The following PHF19 variants were observed in gnomAD, a reference collection of about 807,000 sequenced individuals.
PHF19 encodes polycomb like 3.
Under a neutral mutation model 79.8 loss-of-function variants are expected in PHF19, and 21 were observed. The ratio of observed to expected loss-of-function variants is 0.26; its 90% CI spans 0.19 to 0.38. PHF19 has a LOEUF of 0.38. Ranked by LOEUF, PHF19 falls within the 10% of genes least tolerant of loss-of-function variation. PHF19 has a pLI of 1.00. For missense variants in PHF19, 445 were observed against 744.2 expected, an observed-to-expected ratio of 0.60 and a Z score of 4.68; for synonymous variants, 273 against 296.3, an observed-to-expected ratio of 0.92 and a Z score of 0.81.
intron 8 of PHF19, 39 bp downstream of exon 8, chr9:120,865,989 G>C: frequency 6.3e-7 from 1 of 1,580,702 alleles, no homozygotes; most frequent in Non-Finnish European, 8.7e-7. Context: ...GAGAAGCTGG[G>C]AGGAGCAGCG....
Position 120,862,563 on chromosome 9 carries a change from G to T in PHF19, c.1130+25C>A. On this transcript the variant is annotated intron_variant, in intron 11 of 14. Transcript: ENST00000373896. The surrounding 1 kb of genome is among the most constrained non-coding windows in gnomAD (Gnocchi z 4.6). ...AGAAACCGAGTTTGGCGGCAGCCCT[G>T]GCCCCTGGGTCCCCGAGCACTGACC... 1 of 1,606,172 alleles carries T rather than the reference G, an allele frequency of 6.2e-7. No homozygotes were observed.
intron 1 of PHF19, among the ~76,000 whole-genome samples, chr9:120,884,671 G>C (rs1279675204): frequency 6.6e-6 from 1 of 152,008 alleles, no homozygotes; most frequent in African/African-American, 2.4e-5. Flanking sequence ...ACTTTGGGAG[G>C]CTGAGGTGGG....
intron 1 of PHF19, chr9:120,876,882 C>T: frequency 1.7e-6 from 1 of 573,716 alleles, no homozygotes; most frequent in Non-Finnish European, 2.2e-6. Flanking sequence ...TCACCCATGC[C>T]CCCCGGGGCT....
chr9:120,865,689 A>T (rs780981998), intron 9 of PHF19, 21 bp downstream of exon 9: 1 of 1,614,048 alleles, frequency 6.2e-7, no homozygotes, highest in South Asian at 1.1e-5. Context: ...CCTGCCACTG[A>T]CATCCCACAA....
upstream of PHF19, chr9:120,877,316 C>T: frequency 1.0e-6 from 1 of 976,478 alleles, no homozygotes; most frequent in Non-Finnish European, 1.2e-6. Flanking sequence ...GGGCGCGGGG[C>T]GCCATCTTTT....
intron 3 of PHF19, among the ~76,000 whole-genome samples, chr9:120,872,331 G>A (rs1385896007): frequency 6.6e-6 from 1 of 152,216 alleles, no homozygotes; most frequent in Non-Finnish European, 1.5e-5. Flanking sequence ...CTGCCCGGAA[G>A]GGGCAGTTCT....
chr9:120,888,614 A>C (rs2046300454), intron 1 of PHF19, among the ~76,000 whole-genome samples: 1 of 152,184 alleles, frequency 6.6e-6, no homozygotes, highest in African/African-American at 2.4e-5. Flanking sequence ...GATGGAGACC[A>C]AGGGCCTTGT....
At chr9:120,882,566 GCA>G in intron 1 of PHF19, among the ~76,000 whole-genome samples, 1 of 152,222 alleles carries the variant, frequency 6.6e-6, no homozygotes, top group South Asian at 2.1e-4. Context: ...CTACAGCCAG[GCA>G]CAGTGGCTCA....
rs2045558978 is a variant in PHF19 at position 120,862,412 on chromosome 9, G to A, written c.1130+176C>T. On this transcript the variant is annotated intron_variant, in intron 11 of 14. Coordinates refer to ENST00000373896, the MANE Select transcript of PHF19 (RefSeq NM_015651.3). This position sits in a 1 kb window ranked among gnomAD's most constrained non-coding sequence, Gnocchi z 4.6. ...TTTCCTCCTTGCGAGGTAATAAGGG[G>A]GCTGTGGTGGTGAAAGGAGTTGGGG... Among the ~76,000 whole-genome samples the A allele has an allele frequency of 6.6e-6, 1 of 152,218 alleles. No homozygotes were observed.
chr9:120,894,722 C>T, intron 1 of PHF19: 1 of 841,832 alleles, frequency 1.2e-6, no homozygotes, highest in Non-Finnish European at 1.6e-6. Flanking sequence ...GCGGGCCCAC[C>T]CGGCCGCCCG....
intron 1 of PHF19, among the ~76,000 whole-genome samples, chr9:120,886,969 G>T (rs2046271922): frequency 6.6e-6 from 1 of 151,766 alleles, no homozygotes; most frequent in South Asian, 2.1e-4. Context: ...GGGAGGCTGA[G>T]GCAGGAGAAT....
In PHF19 at chr9:120,869,451, T is replaced by C. The variant is rs532059498; in HGVS notation, c.466-121A>G. 1.4e-5 allele frequency: 19 copies of C among 1,335,560 alleles called. No individual in the cohort carries two copies. Among genetic ancestry groups the C allele is most frequent in the Non-Finnish European group, 1.7e-5 (17 of 998,624 alleles). The allele number at this position is 1,335,560 out of a possible 1,614,324, so 82.7% of individuals were successfully genotyped here. A position where few individuals can be genotyped will look rare whatever the true frequency, so the allele number is the denominator to read the frequency against. On this transcript the variant is annotated intron_variant, in intron 5 of 14. Coordinates refer to ENST00000373896, the MANE Select transcript of PHF19 (RefSeq NM_015651.3). This position sits in a 1 kb window ranked among gnomAD's most constrained non-coding sequence, Gnocchi z 5.8. Reference sequence around the variant, plus strand: ...TGGGGGACCCGCAGATATTCCAATATAGTCAGAAAAGCAAGGAGCTTTTTC... The same window carrying C: ...TGGGGGACCCGCAGATATTCCAATACAGTCAGAAAAGCAAGGAGCTTTTTC...
chr9:120,869,333 G>C lies in PHF19; in HGVS notation c.466-3C>G, dbSNP rs770795821. Reference sequence around the variant, plus strand: ...CCCTTCTTCAGCGCGCCGCCTTTCTGGGGGGAGACGAGGGCCCCAGTCAAC... The same window carrying C: ...CCCTTCTTCAGCGCGCCGCCTTTCTCGGGGGAGACGAGGGCCCCAGTCAAC... On this transcript the variant is annotated splice_region_variant and splice_polypyrimidine_tract_variant and intron_variant, in intron 5 of 14. Transcript: ENST00000373896. The surrounding 1 kb of genome is among the most constrained non-coding windows in gnomAD (Gnocchi z 5.8). 1.2e-6 allele frequency: 2 copies of C among 1,610,700 alleles called. No individual in the cohort carries two copies. Among genetic ancestry groups the C allele is most frequent in the African/African-American group, 1.3e-5 (1 of 74,892 alleles).
In PHF19 at chr9:120,869,322, G is replaced by T; in HGVS notation, c.474C>A (p.Gly158=). 6.2e-7 allele frequency: 1 copy of T among 1,611,992 alleles called. No homozygotes were observed. Among genetic ancestry groups the T allele is most frequent in the Non-Finnish European group, 8.5e-7 (1 of 1,179,538 alleles). The change falls in exon 6 of 15, where the codon GGC becomes GGA. Residue 158 remains glycine, a synonymous_variant. Coordinates refer to ENST00000373896, the MANE Select transcript of PHF19 (RefSeq NM_015651.3). The surrounding 1 kb of genome is among the most constrained non-coding windows in gnomAD (Gnocchi z 5.8). ...CIFALAVRKG[G]ALKKGAIART... is the part of the protein sequence containing the mutation. ...TGGCGATGGCGCCCTTCTTCAGCGC[G>T]CCGCCTTTCTGGGGGGAGACGAGGG...
intron 1 of PHF19, among the ~76,000 whole-genome samples, chr9:120,889,055 G>T (rs2046305199): frequency 6.6e-6 from 1 of 152,158 alleles, no homozygotes; most frequent in African/African-American, 2.4e-5. Context: ...AAAGGAACCA[G>T]AATTTTAAGG....
At chr9:120,868,390 A>G (rs905361103) in intron 6 of PHF19, 1 of 152,280 alleles carries the variant, frequency 6.6e-6, no homozygotes, top group Non-Finnish European at 1.5e-5. Context: ...GAGAACCTCT[A>G]TGTGAATTAC....
At chr9:120,903,359 G>A in the PHF19 span, 3 of 152,280 alleles carry the variant, frequency 2.0e-5, no homozygotes, top group Non-Finnish European at 4.4e-5. Flanking sequence ...ATCTTCAGCT[G>A]AAGGACTAAG....
rs899430041 is a variant in PHF19 at position 120,860,418 on chromosome 9, G to A, written c.1305-233C>T. On this transcript the variant is annotated intron_variant, in intron 13 of 14. Coordinates refer to ENST00000373896, the MANE Select transcript of PHF19 (RefSeq NM_015651.3). The surrounding 1 kb of genome is among the most constrained non-coding windows in gnomAD (Gnocchi z 4.1). Reference sequence around the variant, plus strand: ...CCCTGGCGGTGACGTAAGCACTGGTGTCAATAACTCGAGCGTGATCCAAGG... The same window carrying A: ...CCCTGGCGGTGACGTAAGCACTGGTATCAATAACTCGAGCGTGATCCAAGG... The A allele has an allele frequency of 2.3e-5, 12 of 512,646 alleles. No individual in the cohort carries two copies. The Admixed American group carries it at 3.9e-4, about 16-fold the overall frequency. 31.8% of individuals were successfully genotyped at this position (512,646 alleles called of 1,614,324 possible). A position where few individuals can be genotyped will look rare whatever the true frequency, so the allele number is the denominator to read the frequency against.
the PHF19 span, chr9:120,902,502 G>A: frequency 7.3e-6 from 1 of 137,288 alleles, no homozygotes; most frequent in Admixed American, 6.9e-5. Flanking sequence ...CTGTGGGCAG[G>A]GCGGGGGGTG....
Sources: allele counts gnomAD v4.1 joint callset (sites outside exome capture counted in the v4.1 genomes callset), GRCh38; gene constraint gnomAD v4.1.1; non-coding constraint Gnocchi (gnomAD v3.1); transcripts MANE v1.5; gene names NCBI Gene and HGNC (gene_info 2026-07-23, HGNC 2026-07-21).